The following ANO3 variants were observed in gnomAD, a reference collection of about 807,000 sequenced individuals.
The protein encoded by ANO3 is anoctamin 3.
In ANO3, 99 loss-of-function variants were observed where a neutral mutation model predicts 144.8. The observed-to-expected ratio is 0.68, with a 90% CI of 0.58 to 0.81. The LOEUF (loss-of-function observed/expected upper bound fraction) is 0.81, where lower values mean the gene tolerates loss of function less well. Ranked by LOEUF, ANO3 falls within the 30% of genes least tolerant of loss-of-function variation. The pLI, the probability that ANO3 is intolerant of heterozygous loss-of-function variation, is 0.00. For missense variants in ANO3, 905 were observed against 1,202.2 expected, an observed-to-expected ratio of 0.75 and a Z score of 3.66; for synonymous variants, 414 against 392.6, an observed-to-expected ratio of 1.05 and a Z score of -0.64.
At chr11:26,561,213 T>G in intron 14 of ANO3, 2 of 1,604,420 alleles carry the variant, frequency 1.2e-6, no homozygotes, top group Non-Finnish European at 1.7e-6. Flanking sequence ...CGGTGCATTG[T>G]CTAATCGCAG....
At position 26,293,543 on chromosome 11, in the gene ANO3, A is replaced by ATATATC. The variant is rs1354438402; in HGVS notation, c.155-16097_155-16096insCTATAT. ...GTCTATAAATTCCATGTATATATAT[A>ATATATC]TATATATATATATATATATATATAT... On this transcript the variant is annotated intron_variant, in intron 1 of 27. Transcript: ENST00000672621. 1.9e-4 allele frequency among the ~76,000 whole-genome samples: 23 copies of ATATATC among 118,508 alleles called. No individual in the cohort carries two copies. The East Asian group carries it at 5.7e-3, about 30-fold the overall frequency. 77.7% of individuals were successfully genotyped at this position (118,508 alleles called of 152,430 possible). A position where few individuals can be genotyped will look rare whatever the true frequency, so the allele number is the denominator to read the frequency against.
At chr11:26,405,338 C>A (rs1857252525) in intron 1 of ANO3, among the ~76,000 whole-genome samples, 1 of 151,788 alleles carries the variant, frequency 6.6e-6, no homozygotes, top group Non-Finnish European at 1.5e-5. Context: ...CTTCATCTCA[C>A]AAATTTCATT....
At chr11:26,599,967 C>T (rs1254885155) in intron 17 of ANO3, among the ~76,000 whole-genome samples, 2 of 151,902 alleles carry the variant, frequency 1.3e-5, no homozygotes, top group Non-Finnish European at 2.9e-5. Flanking sequence ...TTAGTGATAG[C>T]TTCCATTCAG....
chr11:26,553,398 G>GTA lies in ANO3; in HGVS notation c.1386+54_1386+55dup, dbSNP rs1453768219. On this transcript the variant is annotated intron_variant, in intron 13 of 26. Transcript: ENST00000256737. ...CCTGAGCTGTACTGAGAAGCAGGCT[G>GTA]TAAGAAGTCCTCTAGTCAATAGCTT... The GTA allele has an allele frequency of 6.2e-6, 8 of 1,290,746 alleles. 1 individual carries two copies. In the African/African-American group the frequency reaches 1.0e-4, roughly 17 times the overall value. 80.0% of individuals were successfully genotyped at this position (1,290,746 alleles called of 1,614,324 possible).
intron 1 of ANO3, among the ~76,000 whole-genome samples, chr11:26,273,340 TTCAGCCTCTGGA>T (rs1451183664): frequency 6.6e-6 from 1 of 151,888 alleles, no homozygotes; most frequent in East Asian, 1.9e-4. Flanking sequence ...ATGTTTCTAT[TTCAGCCTCTGGA>T]TCAGGGGATC....
chr11:26,285,721 T>G (rs1428485585), intron 1 of ANO3: 1 of 152,192 alleles, frequency 6.6e-6, no homozygotes, highest in African/African-American at 2.4e-5. Context: ...ATCATTCCAA[T>G]TATATTCGAA....
At chr11:26,356,524 A>T (rs1245288088) in intron 1 of ANO3, among the ~76,000 whole-genome samples, 2 of 151,976 alleles carry the variant, frequency 1.3e-5, no homozygotes, top group African/African-American at 2.4e-5. Flanking sequence ...TTATCCTTTT[A>T]TTTCACTCAA....
intron 9 of ANO3, among the ~76,000 whole-genome samples, chr11:26,535,676 G>T (rs554544856): frequency 7.0e-6 from 1 of 142,208 alleles, no homozygotes; most frequent in African/African-American, 2.6e-5. Context: ...TCTGCCTCCC[G>T]GGTTCACACC....
At chr11:26,365,109 A>AC (rs1308344039) in intron 1 of ANO3, among the ~76,000 whole-genome samples, 1 of 152,250 alleles carries the variant, frequency 6.6e-6, no homozygotes, top group African/African-American at 2.4e-5. Context: ...AAGGGGCTGC[A>AC]GGCCACACAC....
chr11:26,620,531 T>G (rs1160839024), intron 17 of ANO3, among the ~76,000 whole-genome samples: 1 of 152,082 alleles, frequency 6.6e-6, no homozygotes, highest in East Asian at 1.9e-4. Context: ...AATTAAAAAT[T>G]TTTAAATTAA....
intron 1 of ANO3, among the ~76,000 whole-genome samples, chr11:26,375,221 G>A (rs2133943117): frequency 6.6e-6 from 1 of 152,258 alleles, no homozygotes; most frequent in South Asian, 2.1e-4. Context: ...CACATGTGCA[G>A]TTCACAATAG....
At chr11:26,289,106 T>C (rs1853875365) in intron 1 of ANO3, among the ~76,000 whole-genome samples, 1 of 152,152 alleles carries the variant, frequency 6.6e-6, no homozygotes, top group Admixed American at 6.5e-5. Context: ...TCTCCTTTTA[T>C]AGATTTTACT....
chr11:26,435,883 T>C (rs1195472886), intron 1 of ANO3, among the ~76,000 whole-genome samples: 2 of 152,220 alleles, frequency 1.3e-5, no homozygotes, highest in African/African-American at 4.8e-5. Context: ...TAAATTCTAT[T>C]TCTGTCATTT....
intron 1 of ANO3, among the ~76,000 whole-genome samples, chr11:26,223,943 G>A (rs1469867286): frequency 6.6e-6 from 1 of 152,160 alleles, no homozygotes; most frequent in African/African-American, 2.4e-5. Flanking sequence ...CCTCTCACTA[G>A]GCTTACCTCC....
intron 9 of ANO3, 58 bp from the exon 10 acceptor site, chr11:26,537,348 T>A (rs1849536393): frequency 7.4e-7 from 1 of 1,350,744 alleles, no homozygotes; most frequent in Admixed American, 1.7e-5. Context: ...TTCTGTTGCT[T>A]CAGAGGAAAT....
intron 1 of ANO3, among the ~76,000 whole-genome samples, chr11:26,353,862 C>T (rs1033836146): frequency 4.6e-5 from 7 of 152,210 alleles, no homozygotes; most frequent in African/African-American, 1.2e-4. Flanking sequence ...GCCACCGCGC[C>T]GGGCCTCAAT....
At chr11:26,508,811 T>C (rs1337218084) in intron 5 of ANO3, 1 of 152,090 alleles carries the variant, frequency 6.6e-6, no homozygotes. Flanking sequence ...ATTTTAGTTA[T>C]ACCTTGTACA....
intron 14 of ANO3, among the ~76,000 whole-genome samples, chr11:26,561,411 TA>T (rs1306642062): frequency 6.6e-6 from 1 of 152,028 alleles, no homozygotes; most frequent in Non-Finnish European, 1.5e-5. Context: ...TTTATAAGAC[TA>T]AGAGTACAGT....
At chr11:26,592,725 C>T (rs984783712) in intron 14 of ANO3, among the ~76,000 whole-genome samples, 2 of 151,428 alleles carry the variant, frequency 1.3e-5, no homozygotes, top group Non-Finnish European at 2.9e-5. Context: ...AGGCCTGGTC[C>T]AGTAAATAAT....
Sources: allele counts gnomAD v4.1 joint callset (sites outside exome capture counted in the v4.1 genomes callset), GRCh38; gene constraint gnomAD v4.1.1; transcripts MANE v1.5; gene names NCBI Gene and HGNC (gene_info 2026-07-23, HGNC 2026-07-21).